Variants in WDFY4 observed in about 807,000 individuals in gnomAD.
The protein encoded by WDFY4 is WDFY family member 4, also known as WD repeat- and FYVE domain-containing protein 4.
In WDFY4, 169 loss-of-function variants were observed where a neutral mutation model predicts 351.9. The observed-to-expected ratio is 0.48, with a 90% CI of 0.42 to 0.55. The LOEUF (loss-of-function observed/expected upper bound fraction) is 0.55. Ranked by LOEUF, WDFY4 falls within the 20% of genes least tolerant of loss-of-function variation. The probability of loss-of-function intolerance (pLI) is 0.00; values close to 1 mark genes in which losing one functional copy is unlikely to be tolerated. For synonymous variants in WDFY4, 1,622 were observed against 1,574.6 expected, an observed-to-expected ratio of 1.03 and a Z score of -0.71; for missense variants, 3,803 against 3,935.6, an observed-to-expected ratio of 0.97 and a Z score of 0.90.
At chr10:48,688,426 A>G (rs938300507) in intron 1 of WDFY4, among the ~76,000 whole-genome samples, 1 of 152,252 alleles carries the variant, frequency 6.6e-6, no homozygotes, top group African/African-American at 2.4e-5. Context: ...TCCAATTCAT[A>G]AACGTGGTCT....
intron 44 of WDFY4, among the ~76,000 whole-genome samples, chr10:48,895,498 G>A (rs958835047): frequency 6.6e-5 from 10 of 152,210 alleles, no homozygotes; most frequent in African/African-American, 2.4e-4. Context: ...GCGTGCTTGG[G>A]AGGCCTTCGT....
chr10:48,689,645 T>C (rs561502318), intron 1 of WDFY4, among the ~76,000 whole-genome samples: 8 of 152,250 alleles, frequency 5.3e-5, no homozygotes, highest in African/African-American at 1.2e-4. Flanking sequence ...AATATTTCTA[T>C]TGGACAGCAG....
chr10:48,770,872 A>T (rs904379252), intron 13 of WDFY4, among the ~76,000 whole-genome samples: 3 of 152,244 alleles, frequency 2.0e-5, no homozygotes, highest in African/African-American at 7.2e-5. Flanking sequence ...CCTCCATATC[A>T]GTGACATCAT....
intron 39 of WDFY4, among the ~76,000 whole-genome samples, chr10:48,833,689 C>G (rs2448545): frequency 0.64 from 97,434 of 151,950 alleles, 33,311 homozygotes; most frequent in African/African-American, 0.89. Flanking sequence ...ATATTCTAAT[C>G]CCAGGGGCAC....
At chr10:48,950,514 G>A (rs1366621069) in intron 51 of WDFY4, among the ~76,000 whole-genome samples, 2 of 152,182 alleles carry the variant, frequency 1.3e-5, no homozygotes, top group Admixed American at 6.5e-5. Context: ...ACCCTCACAA[G>A]CTTGTGAGAG....
intron 40 of WDFY4, 150 bp downstream of exon 40, chr10:48,867,492 G>T: frequency 2.5e-6 from 1 of 401,758 alleles, no homozygotes; most frequent in Non-Finnish European, 4.3e-6. Context: ...TAAATGCAAT[G>T]GGTTGCCACT....
chr10:48,918,148 A>G (rs568643442), intron 47 of WDFY4, among the ~76,000 whole-genome samples: 37 of 152,328 alleles, frequency 2.4e-4, no homozygotes, highest in Middle Eastern at 6.8e-3. Flanking sequence ...AAAAATTCAA[A>G]TAATACAAAG....
At chr10:48,912,994 T>A (rs530927200) in intron 47 of WDFY4, among the ~76,000 whole-genome samples, 1 of 152,310 alleles carries the variant, frequency 6.6e-6, no homozygotes, top group South Asian at 2.1e-4. Flanking sequence ...CCCAAAACAT[T>A]TCCATTAAAT....
intron 43 of WDFY4, among the ~76,000 whole-genome samples, chr10:48,879,478 C>A (rs2070161207): frequency 6.6e-6 from 1 of 152,218 alleles, no homozygotes; most frequent in Non-Finnish European, 1.5e-5. Flanking sequence ...AATAGGAGAA[C>A]AATGGCAGTG....
chr10:48,873,439 A>G lies in WDFY4; in HGVS notation c.6742-52A>G, dbSNP rs779140806. The G allele has an allele frequency of 3.8e-4, 557 of 1,482,046 alleles. 2 individuals carry two copies. Among genetic ancestry groups the G allele is most frequent in the Admixed American group, 3.0e-4 (12 of 39,408 alleles). The allele number at this position is 1,482,046 out of a possible 1,614,324, so 91.8% of individuals were successfully genotyped here. On this transcript the variant is annotated intron_variant, in intron 40 of 61. Transcript: ENST00000325239. ...CCCCAGGAGGTTTGGGGCCAGGCCC[A>G]TAAGGCCCATAAGGCAAATGTATCC...
intron 47 of WDFY4, among the ~76,000 whole-genome samples, chr10:48,917,536 G>T (rs1838662946): frequency 6.6e-6 from 1 of 152,236 alleles, no homozygotes. Flanking sequence ...ACAGCAATAG[G>T]AATGACTGCA....
intron 39 of WDFY4, among the ~76,000 whole-genome samples, chr10:48,843,164 GAACGGA>G (rs1280422088): frequency 6.6e-6 from 1 of 152,170 alleles, no homozygotes; most frequent in African/African-American, 2.4e-5. Context: ...ACTTCAACCT[GAACGGA>G]AACATCTAGT....
intron 19 of WDFY4, among the ~76,000 whole-genome samples, chr10:48,784,498 A>G (rs1446262045): frequency 3.4e-5 from 1 of 29,072 alleles, no homozygotes; most frequent in African/African-American, 1.2e-4. Context: ...GTCCATCCAT[A>G]TTTTTTGCCC....
intron 19 of WDFY4, among the ~76,000 whole-genome samples, chr10:48,783,415 C>T (rs1176506347): frequency 6.6e-6 from 1 of 151,538 alleles, no homozygotes; most frequent in Non-Finnish European, 1.5e-5. Flanking sequence ...TTGATTGAAT[C>T]CAAGGATATG....
intron 52 of WDFY4, 110 bp downstream of exon 52, chr10:48,957,392 A>C: frequency 1.5e-6 from 2 of 1,377,370 alleles, no homozygotes; most frequent in Non-Finnish European, 2.0e-6. Flanking sequence ...CCTCCCCAGG[A>C]CCTCAACTTC....
intron 52 of WDFY4, among the ~76,000 whole-genome samples, chr10:48,958,912 G>C (rs1005312929): frequency 7.2e-5 from 11 of 152,170 alleles, no homozygotes; most frequent in African/African-American, 2.7e-4. Context: ...GAGAGAGCAG[G>C]GGAGCTTTTA....
intron 13 of WDFY4, among the ~76,000 whole-genome samples, chr10:48,768,640 G>A (rs1430860870): frequency 6.6e-6 from 1 of 151,928 alleles, no homozygotes; most frequent in African/African-American, 2.4e-5. Flanking sequence ...TAATGTCTAA[G>A]GCAGAGATGG....
intron 4 of WDFY4, 91 bp downstream of exon 4, chr10:48,721,458 G>T: frequency 8.6e-7 from 1 of 1,156,818 alleles, no homozygotes; most frequent in South Asian, 1.3e-5. Flanking sequence ...ATCCCAAGAG[G>T]GTCATTCGTT....
At chr10:48,852,034 A>G (rs1236381467) in intron 39 of WDFY4, among the ~76,000 whole-genome samples, 1 of 152,214 alleles carries the variant, frequency 6.6e-6, no homozygotes, top group Non-Finnish European at 1.5e-5. Context: ...TTTAGTTCCA[A>G]TAAGCAATGC....
Sources: allele counts gnomAD v4.1 joint callset (sites outside exome capture counted in the v4.1 genomes callset), GRCh38; gene constraint gnomAD v4.1.1; transcripts MANE v1.5; gene names NCBI Gene and HGNC (gene_info 2026-07-23, HGNC 2026-07-21).